The following COL19A1 variants were observed in gnomAD, a reference collection of about 807,000 sequenced individuals.
COL19A1 encodes the protein collagen type XIX alpha 1 chain.
Under a neutral mutation model 190.2 loss-of-function variants are expected in COL19A1, and 159 were observed. That is an observed-to-expected ratio of 0.84 (90% CI 0.73 to 0.95). COL19A1 has a LOEUF of 0.95. Ranked by LOEUF, COL19A1 falls within the 40% of genes least tolerant of loss-of-function variation. The pLI is 0.00. For missense variants in COL19A1, 1,418 were observed against 1,431.9 expected (o/e 0.99, Z 0.16); for synonymous variants, 509 against 458.9 (o/e 1.11, Z -1.39).
At chr6:70,156,469 T>A in intron 33 of COL19A1, 100 bp downstream of exon 33, 1 of 1,036,898 alleles carries the variant, frequency 9.6e-7, no homozygotes, top group Non-Finnish European at 1.4e-6. Flanking sequence ...ATACATACTA[T>A]ATATATATAT....
intron 33 of COL19A1, 104 bp downstream of exon 33, chr6:70,156,473 T>TACATACATAC: frequency 9.8e-7 from 1 of 1,019,230 alleles, no homozygotes; most frequent in Non-Finnish European, 1.4e-6. Context: ...ATACTATATA[T>TACATACATAC]ATATATGTAT....
chr6:70,069,857 C>T (rs1781446604), intron 15 of COL19A1, among the ~76,000 whole-genome samples: 1 of 152,036 alleles, frequency 6.6e-6, no homozygotes, highest in Admixed American at 6.6e-5. Flanking sequence ...TCTTTGGGGG[C>T]TTTTTGCTTT....
At chr6:70,114,989 G>A (rs1784481848) in intron 16 of COL19A1, among the ~76,000 whole-genome samples, 1 of 152,086 alleles carries the variant, frequency 6.6e-6, no homozygotes, top group South Asian at 2.1e-4. Flanking sequence ...ATTTCCATTT[G>A]AGTCCCCACC....
intron 41 of COL19A1, 78 bp from the exon 42 acceptor site, chr6:70,176,442 T>G (rs1765807880): frequency 6.8e-7 from 1 of 1,469,794 alleles, no homozygotes; most frequent in East Asian, 2.4e-5. Context: ...CAAATCCAAA[T>G]TATTATTTGA....
At chr6:70,080,868 A>C (rs1782205452) in intron 15 of COL19A1, among the ~76,000 whole-genome samples, 1 of 152,156 alleles carries the variant, frequency 6.6e-6, no homozygotes, top group Non-Finnish European at 1.5e-5. Context: ...ACATTTTTGT[A>C]TACTCTACTG....
At chr6:70,121,111 T>A (rs950392075) in intron 16 of COL19A1, among the ~76,000 whole-genome samples, 1 of 152,202 alleles carries the variant, frequency 6.6e-6, no homozygotes, top group Non-Finnish European at 1.5e-5. Context: ...ATCTCTTTTC[T>A]GAGATAGTTG....
At chr6:70,096,662 A>G (rs1783294927) in intron 15 of COL19A1, among the ~76,000 whole-genome samples, 1 of 152,222 alleles carries the variant, frequency 6.6e-6, no homozygotes, top group Non-Finnish European at 1.5e-5. Context: ...AGTTCCACAT[A>G]ATCACAAAAC....
intron 11 of COL19A1, among the ~76,000 whole-genome samples, chr6:69,988,240 A>G (rs994254653): frequency 6.6e-6 from 1 of 152,208 alleles, no homozygotes; most frequent in Non-Finnish European, 1.5e-5. Flanking sequence ...AAAAGGTTAC[A>G]TGTCATTTCC....
intron 14 of COL19A1, among the ~76,000 whole-genome samples, chr6:70,055,202 G>A (rs972091214): frequency 6.6e-6 from 1 of 152,072 alleles, no homozygotes. Flanking sequence ...GATTGGAAGT[G>A]GTCAAAAAGT....
rs777894149 is a variant in COL19A1 at position 70,188,163 on chromosome 6, T to C, written c.2945T>C (p.Met982Thr). ...LTGMKGAIGP[M>T]GPPGNKGSMG... is the part of the protein sequence containing the mutation. Reference sequence around the variant, plus strand: ...GGCATGAAGGGGGCCATCGGTCCTATGGGTCCACCAGGAAACAAGGGCTCC... The same window carrying C: ...GGCATGAAGGGGGCCATCGGTCCTACGGGTCCACCAGGAAACAAGGGCTCC... Residue 982 changes from methionine (M) to threonine (T), a missense_variant, in exon 47 of 51, where the codon ATG (methionine) becomes ACG (threonine). Physicochemically the swap from Met to Thr is moderately conservative, Grantham distance 81 (BLOSUM62 -1). Transcript: ENST00000620364. 4 of 1,613,890 alleles carry C rather than the reference T, an allele frequency of 2.5e-6. No homozygotes were observed. In the East Asian group the frequency reaches 8.9e-5, roughly 36 times the overall value.
chr6:70,006,927 A>C (rs1295962418), intron 11 of COL19A1, among the ~76,000 whole-genome samples: 1 of 152,130 alleles, frequency 6.6e-6, no homozygotes, highest in African/African-American at 2.4e-5. Context: ...CACTTTAAAA[A>C]TTTCAAAAAA....
Position 69,913,382 on chromosome 6 carries a change from G to A in COL19A1, c.266+13044G>A, listed in dbSNP as rs187119977. On this transcript the variant is annotated intron_variant, in intron 4 of 50. Coordinates refer to ENST00000620364, the MANE Select transcript of COL19A1 (RefSeq NM_001858.6). The stretch of plus-strand genomic sequence containing the variant: ...GTGAATAGAAACAGTCCCCTCCATT[G>A]AATTATTTCTGTTTGGAAGGACAGG... Among the ~76,000 whole-genome samples, 797 of 152,214 alleles carry A rather than the reference G, an allele frequency of 5.2e-3. 2 individuals are homozygous for A. The highest frequency in any genetic ancestry group is 9.5e-3 in the Non-Finnish European group (647 of 68,006).
At chr6:69,921,637 T>G (rs1166158975) in intron 4 of COL19A1, among the ~76,000 whole-genome samples, 7 of 144,716 alleles carry the variant, frequency 4.8e-5, no homozygotes, top group African/African-American at 7.8e-5. Flanking sequence ...GATTCGTATA[T>G]ATTCGTATAT....
chr6:69,921,867 C>G (rs1050204885), intron 4 of COL19A1, among the ~76,000 whole-genome samples: 3 of 151,534 alleles, frequency 2.0e-5, no homozygotes, highest in Non-Finnish European at 2.9e-5. Flanking sequence ...TATGAATGAA[C>G]TTAGCAAGTA....
chr6:69,875,758 G>T (rs13217925), intron 1 of COL19A1, among the ~76,000 whole-genome samples: 25,817 of 152,080 alleles, frequency 0.17, 2,398 homozygotes, highest in East Asian at 0.25. Flanking sequence ...GATGTATTAA[G>T]TTATAGATAT....
intron 49 of COL19A1, among the ~76,000 whole-genome samples, chr6:70,204,803 G>T (rs1767762522): frequency 6.6e-6 from 1 of 152,088 alleles, no homozygotes; most frequent in African/African-American, 2.4e-5. Context: ...AGATAGCTGA[G>T]GATCAACTTT....
chr6:69,978,439 C>A (rs1339782012), intron 11 of COL19A1, among the ~76,000 whole-genome samples: 2 of 151,964 alleles, frequency 1.3e-5, no homozygotes, highest in East Asian at 3.9e-4. Flanking sequence ...AGACTCATTC[C>A]TTGATATAAA....
chr6:69,868,879 A>T (rs994069747), intron 1 of COL19A1, among the ~76,000 whole-genome samples: 3 of 152,240 alleles, frequency 2.0e-5, no homozygotes. Flanking sequence ...CACAGAGTCA[A>T]TGGTTCTAGA....
At chr6:69,926,869 G>A (rs1288789834) in intron 4 of COL19A1, among the ~76,000 whole-genome samples, 1 of 152,060 alleles carries the variant, frequency 6.6e-6, no homozygotes, top group Non-Finnish European at 1.5e-5. Flanking sequence ...AGCAGCAAGA[G>A]AGAAGTAGTT....
Sources: allele counts gnomAD v4.1 joint callset (sites outside exome capture counted in the v4.1 genomes callset), GRCh38; gene constraint gnomAD v4.1.1; transcripts MANE v1.5; gene names NCBI Gene and HGNC (gene_info 2026-07-23, HGNC 2026-07-21).